CFAP221: variants seen among roughly 807,000 people sequenced by gnomAD.
CFAP221 encodes the protein cilia- and flagella-associated protein 221.
Under a neutral mutation model 113.1 loss-of-function variants are expected in CFAP221, and 97 were observed. The observed-to-expected ratio is 0.86, with a 90% confidence interval of 0.73 to 1.02. CFAP221 has a LOEUF of 1.02. Ranked by LOEUF, CFAP221 falls within the 50% of genes least tolerant of loss-of-function variation. The pLI is 0.00. For missense variants in CFAP221, 1,025 were observed against 1,013.4 expected, an observed-to-expected ratio of 1.01 and a Z score of -0.16; for synonymous variants, 331 against 354.4, an observed-to-expected ratio of 0.93 and a Z score of 0.74.
chr2:119,562,992 A>G (rs1681364599), intron 6 of CFAP221, among the ~76,000 whole-genome samples: 1 of 152,132 alleles, frequency 6.6e-6, no homozygotes, highest in Non-Finnish European at 1.5e-5. Flanking sequence ...TCTACAAAAT[A>G]AAAATTTAGA....
At chr2:119,581,621 G>T (rs1054902513) in intron 6 of CFAP221, among the ~76,000 whole-genome samples, 7 of 152,196 alleles carry the variant, frequency 4.6e-5, no homozygotes, top group Non-Finnish European at 8.8e-5. Context: ...TAATAAATTG[G>T]AGTTCTGTCA....
chr2:119,621,575 T>G (rs758848227), intron 14 of CFAP221, among the ~76,000 whole-genome samples: 169 of 152,224 alleles, frequency 1.1e-3, no homozygotes, highest in Non-Finnish European at 2.3e-3. Flanking sequence ...CCACCCCAAA[T>G]CAACAAAATA....
chr2:119,625,489 C>A, intron 14 of CFAP221, 94 bp from the exon 15 acceptor site: 1 of 1,064,962 alleles, frequency 9.4e-7, no homozygotes, highest in Non-Finnish European at 1.4e-6. Context: ...GCAGTCTCAG[C>A]TCTTAGTGTG....
At position 119,599,809 on chromosome 2, in the gene CFAP221, C is replaced by T. The variant is rs1684241237; in HGVS notation, c.632-1409C>T. Among the ~76,000 whole-genome samples the T allele has an allele frequency of 2.6e-5, 4 of 152,252 alleles. No individual in the cohort carries two copies. In the South Asian group the frequency reaches 8.3e-4, roughly 32 times the overall value. On this transcript the variant is annotated intron_variant, in intron 7 of 23. Coordinates refer to ENST00000413369, the MANE Select transcript of CFAP221 (RefSeq NM_001271049.2). ...TTGCTGTCCCCCACTAGAATGTAAA[C>T]TGTGAGATCTGGGATTTGTTTTGTT... is the stretch of plus-strand genomic sequence containing the variant.
At chr2:119,564,241 A>G (rs2587695) in intron 6 of CFAP221, among the ~76,000 whole-genome samples, 88,512 of 151,976 alleles carry the variant, frequency 0.58, 26,407 homozygotes, top group East Asian at 0.74. Flanking sequence ...CTGTCCTTGA[A>G]TGGAACTCCA....
chr2:119,611,590 T>C (rs995917789), intron 12 of CFAP221, 63 bp from the exon 13 acceptor site: 13 of 1,462,034 alleles, frequency 8.9e-6, no homozygotes, highest in Admixed American at 7.8e-5. Context: ...CTACAAGTTT[T>C]AAAGACAAAT....
At chr2:119,587,960 C>A (rs1473472530) in intron 7 of CFAP221, among the ~76,000 whole-genome samples, 1 of 151,986 alleles carries the variant, frequency 6.6e-6, no homozygotes, top group East Asian at 1.9e-4. Context: ...TTCTAGAGGA[C>A]CAGGAGCCAT....
intron 11 of CFAP221, among the ~76,000 whole-genome samples, chr2:119,605,757 AC>A (rs898660609): frequency 6.6e-6 from 1 of 151,738 alleles, no homozygotes; most frequent in Non-Finnish European, 1.5e-5. Context: ...CAAATTAGAA[AC>A]TTTTTCACAA....
chr2:119,616,651 C>T (rs1030059559), intron 14 of CFAP221, among the ~76,000 whole-genome samples: 1 of 152,176 alleles, frequency 6.6e-6, no homozygotes, highest in Non-Finnish European at 1.5e-5. Context: ...CAGCCACTGT[C>T]CTCTCGTTGT....
intron 6 of CFAP221, among the ~76,000 whole-genome samples, chr2:119,581,317 T>C (rs187816023): frequency 1.4e-4 from 21 of 152,310 alleles, no homozygotes; most frequent in African/African-American, 4.8e-4. Context: ...AACTTCCATT[T>C]TAAAATGTCA....
At position 119,620,060 on chromosome 2, in the gene CFAP221, G is replaced by T. The variant is rs189097338; in HGVS notation, c.1410+4351G>T. On this transcript the variant is annotated intron_variant, in intron 14 of 23. Coordinates refer to ENST00000413369, the MANE Select transcript of CFAP221 (RefSeq NM_001271049.2). The stretch of plus-strand genomic sequence containing the variant: ...TAGAGAAAAAAGAATGAAAAGGAAT[G>T]AACAAAGCCCCCAAGAAATGTGGGA... 9.2e-5 allele frequency among the ~76,000 whole-genome samples: 14 copies of T among 152,158 alleles called. No individual in the cohort carries two copies. The East Asian group carries it at 2.5e-3, about 27-fold the overall frequency.
chr2:119,567,632 T>C (rs1274958740), intron 6 of CFAP221, among the ~76,000 whole-genome samples: 1 of 152,170 alleles, frequency 6.6e-6, no homozygotes, highest in Non-Finnish European at 1.5e-5. Flanking sequence ...TTTGGGTAGA[T>C]ACCAAAGAAC....
chr2:119,580,301 G>T (rs978996695), intron 6 of CFAP221: 3 of 152,148 alleles, frequency 2.0e-5, no homozygotes, highest in Admixed American at 6.5e-5. Flanking sequence ...GTTGACTGAA[G>T]ACCATACACT....
intron 2 of CFAP221, among the ~76,000 whole-genome samples, chr2:119,548,862 G>A (rs1318590357): frequency 6.6e-6 from 1 of 152,166 alleles, no homozygotes; most frequent in African/African-American, 2.4e-5. Flanking sequence ...ACTTTGTATT[G>A]TAATGATAGT....
chr2:119,621,265 T>C (rs183326390), intron 14 of CFAP221, among the ~76,000 whole-genome samples: 47 of 147,914 alleles, frequency 3.2e-4, no homozygotes, highest in Non-Finnish European at 4.9e-4. Context: ...TAGGCTCTGA[T>C]AAAACAGACT....
chr2:119,563,802 A>C (rs1681428783), intron 6 of CFAP221, among the ~76,000 whole-genome samples: 1 of 152,224 alleles, frequency 6.6e-6, no homozygotes, highest in Admixed American at 6.5e-5. Flanking sequence ...TCCAGTTGCT[A>C]AGAACAACTC....
At position 119,560,021 on chromosome 2, in the gene CFAP221, T is replaced by C. The variant is rs191056124; in HGVS notation, c.421T>C (p.Cys141Arg). The C allele has an allele frequency of 6.6e-7, 1 of 1,524,128 alleles. No homozygotes were observed. The highest frequency in any genetic ancestry group is 1.4e-5 in the African/African-American group (1 of 72,570). 94.4% of individuals were successfully genotyped at this position (1,524,128 alleles called of 1,614,324 possible). A position where few individuals can be genotyped will look rare whatever the true frequency, so the allele number is the denominator to read the frequency against. ...RYYYDCIRVH[C>R]KGDDTLLVPI... Reference sequence around the variant, plus strand: ...CTATTATGACTGCATCCGTGTTCACTGTAAGGTAGGTCTCTTAAAATTGCT... The same window carrying C: ...CTATTATGACTGCATCCGTGTTCACCGTAAGGTAGGTCTCTTAAAATTGCT... The change falls in exon 5 of 24, where the codon TGT becomes CGT. Residue 141 changes from cysteine (C) to arginine (R), a missense_variant. By Grantham distance (180) the Cys-to-Arg change is radical. Transcript: ENST00000413369.
chr2:119,548,409 G>A (rs966416226), intron 2 of CFAP221, among the ~76,000 whole-genome samples: 11 of 152,204 alleles, frequency 7.2e-5, no homozygotes, highest in African/African-American at 2.7e-4. Flanking sequence ...CTGGCACAAA[G>A]CACTTACATA....
At chr2:119,638,921 G>A (rs533209849) in intron 20 of CFAP221, among the ~76,000 whole-genome samples, 1 of 151,932 alleles carries the variant, frequency 6.6e-6, no homozygotes, top group African/African-American at 2.4e-5. Flanking sequence ...CCTTAACTCA[G>A]ATTATGAGCT....
Sources: gnomAD v4.1 joint callset for allele counts (sites outside exome capture counted in the v4.1 genomes callset) on GRCh38, gnomAD v4.1.1 for gene constraint, MANE v1.5 for transcripts, NCBI Gene and HGNC (gene_info 2026-07-23, HGNC 2026-07-21) for gene names.